The following FMN2 variants were observed in gnomAD, a reference collection of about 807,000 sequenced individuals.
FMN2 encodes the protein formin-2.
In FMN2, 51 loss-of-function variants were observed where a neutral mutation model predicts 142.3. The ratio of observed to expected loss-of-function variants is 0.36; its 90% CI spans 0.29 to 0.45. The LOEUF (loss-of-function observed/expected upper bound fraction) is 0.45, where lower values mean the gene tolerates loss of function less well. Ranked by LOEUF, FMN2 falls within the 20% of genes least tolerant of loss-of-function variation. The pLI is 1.00. For synonymous variants in FMN2, 882 were observed against 869.8 expected (o/e 1.01, Z -0.25); for missense variants, 1,936 against 2,122.8 (o/e 0.91, Z 1.73).
intron 6 of FMN2, among the ~76,000 whole-genome samples, chr1:240,214,141 G>T (rs1666796269): frequency 6.6e-6 from 1 of 152,182 alleles, no homozygotes; most frequent in Admixed American, 6.5e-5. Context: ...AAGGTACATA[G>T]AAGTTTATCA....
intron 15 of FMN2, among the ~76,000 whole-genome samples, chr1:240,409,461 G>A (rs536039417): frequency 5.5e-4 from 84 of 152,172 alleles, no homozygotes; most frequent in African/African-American, 2.0e-3. Context: ...CATTTTAAAA[G>A]CTACCTCTAT....
At chr1:240,325,552 A>ACT (rs777517673) in intron 8 of FMN2, among the ~76,000 whole-genome samples, 45,914 of 151,798 alleles carry the variant, frequency 0.3, 6,995 homozygotes, top group South Asian at 0.34. Context: ...GCCTAGTGTC[A>ACT]GTTAACTCCA....
intron 8 of FMN2, among the ~76,000 whole-genome samples, chr1:240,326,180 A>C (rs1671165224): frequency 6.6e-6 from 1 of 152,172 alleles, no homozygotes; most frequent in Non-Finnish European, 1.5e-5. Context: ...AGGTGGAGTT[A>C]ACTAAGCCCC....
intron 1 of FMN2, among the ~76,000 whole-genome samples, chr1:240,097,442 G>A (rs1214534177): frequency 1.3e-5 from 2 of 149,122 alleles, no homozygotes; most frequent in Admixed American, 6.8e-5. Flanking sequence ...TGCAAGCTCC[G>A]CCTCCTGAGT....
In FMN2 at chr1:240,329,115, G is replaced by C; in HGVS notation, c.4255G>C (p.Gly1419Arg). 6.2e-7 allele frequency: 1 copy of C among 1,614,038 alleles called. No individual in the cohort carries two copies. The highest frequency in any genetic ancestry group is 1.1e-5 in the South Asian group (1 of 91,084). ...SDELEKIEKH[G>R]RSSKDKENAK... is the part of the protein sequence containing the mutation. Reference sequence around the variant, plus strand: ...CGAACTCGAAAAAATAGAAAAGCATGGCCGATCTTCCAAAGACAAGGAAAA... The same window carrying C: ...CGAACTCGAAAAAATAGAAAAGCATCGCCGATCTTCCAAAGACAAGGAAAA... Residue 1419 changes from glycine to arginine, a missense_variant, in exon 9 of 18, where the codon GGC (glycine) becomes CGC (arginine). Gly to Arg is a moderately radical substitution (Grantham distance 125). This residue lies in a region of FMN2 where 322 missense variants were observed against 401.6 expected (regional missense o/e 0.80). Coordinates refer to ENST00000319653, the MANE Select transcript of FMN2 (RefSeq NM_020066.5).
intron 2 of FMN2, among the ~76,000 whole-genome samples, chr1:240,145,666 C>T (rs964130300): frequency 6.0e-5 from 9 of 150,492 alleles, no homozygotes; most frequent in Admixed American, 2.0e-4. Context: ...CGTACCACCA[C>T]ACTCTGCTAA....
intron 15 of FMN2, among the ~76,000 whole-genome samples, chr1:240,406,929 T>A (rs1674227237): frequency 6.6e-6 from 1 of 152,150 alleles, no homozygotes; most frequent in Non-Finnish European, 1.5e-5. Flanking sequence ...GTATATTGAG[T>A]GAACTTGTTT....
intron 7 of FMN2, among the ~76,000 whole-genome samples, chr1:240,260,125 T>C (rs1668577984): frequency 6.6e-6 from 1 of 152,200 alleles, no homozygotes; most frequent in Non-Finnish European, 1.5e-5. Context: ...ATATGGAATA[T>C]GCCACAATTC....
At chr1:240,279,869 T>G (rs1166201337) in intron 7 of FMN2, among the ~76,000 whole-genome samples, 1 of 152,174 alleles carries the variant, frequency 6.6e-6, no homozygotes, top group African/African-American at 2.4e-5. Flanking sequence ...GTGTATCATA[T>G]TTTTGCATAT....
At chr1:240,201,853 C>G (rs1329492279) in intron 4 of FMN2, among the ~76,000 whole-genome samples, 1 of 152,058 alleles carries the variant, frequency 6.6e-6, no homozygotes, top group East Asian at 1.9e-4. Flanking sequence ...ACTATAAAAT[C>G]AGGTGTTTTA....
chr1:240,324,714 A>G (rs1474931461), intron 8 of FMN2, among the ~76,000 whole-genome samples: 4 of 151,626 alleles, frequency 2.6e-5, no homozygotes, highest in African/African-American at 9.7e-5. Flanking sequence ...GGAGGGAGGG[A>G]AGAAAGAAAG....
At chr1:240,175,188 C>T (rs578205550) in intron 2 of FMN2, among the ~76,000 whole-genome samples, 1 of 152,208 alleles carries the variant, frequency 6.6e-6, no homozygotes, top group East Asian at 1.9e-4. Context: ...AAATAATTTC[C>T]CAGTTTGTAT....
At chr1:240,433,375 CGAGGAA>C (rs1675245531) in intron 15 of FMN2, among the ~76,000 whole-genome samples, 2 of 151,950 alleles carry the variant, frequency 1.3e-5, no homozygotes, top group Non-Finnish European at 2.9e-5. Context: ...AATAGATGCG[CGAGGAA>C]AACATTTCTA....
intron 15 of FMN2, among the ~76,000 whole-genome samples, chr1:240,431,569 C>A (rs549664860): frequency 2.0e-5 from 3 of 151,190 alleles, no homozygotes; most frequent in Non-Finnish European, 4.4e-5. Flanking sequence ...AAGAAAATAT[C>A]AAATACCATT....
intron 1 of FMN2, among the ~76,000 whole-genome samples, chr1:240,113,899 C>A (rs889492522): frequency 2.0e-5 from 3 of 152,162 alleles, no homozygotes; most frequent in Non-Finnish European, 4.4e-5. Flanking sequence ...AAATCAGGAA[C>A]ATGCTTTGTT....
chr1:240,101,365 C>A (rs1012324057), intron 1 of FMN2, among the ~76,000 whole-genome samples: 1 of 152,064 alleles, frequency 6.6e-6, no homozygotes, highest in Non-Finnish European at 1.5e-5. Context: ...CCGGAAGACC[C>A]GTTTATACCA....
At chr1:240,243,791 T>G (rs749359865) in intron 6 of FMN2, among the ~76,000 whole-genome samples, 1 of 152,220 alleles carries the variant, frequency 6.6e-6, no homozygotes, top group Non-Finnish European at 1.5e-5. Flanking sequence ...TCCTGAAATA[T>G]GGATCTCCTA....
chr1:240,173,206 G>A (rs1447794770), intron 2 of FMN2, among the ~76,000 whole-genome samples: 1 of 152,156 alleles, frequency 6.6e-6, no homozygotes, highest in Non-Finnish European at 1.5e-5. Context: ...AAAGTGCTGG[G>A]ATTACAGGTG....
At chr1:240,332,356 G>A (rs1671408144) in intron 11 of FMN2, among the ~76,000 whole-genome samples, 1 of 138,088 alleles carries the variant, frequency 7.2e-6, no homozygotes. Context: ...GCAATACAGT[G>A]AGAGCCCTTC....
Sources: gnomAD v4.1 joint callset for allele counts (sites outside exome capture counted in the v4.1 genomes callset) on GRCh38, gnomAD v4.1.1 for gene constraint, gnomAD v4.1.1 regional missense constraint, MANE v1.5 for transcripts, NCBI Gene and HGNC (gene_info 2026-07-23, HGNC 2026-07-21) for gene names.